BEND6: variants seen among roughly 807,000 people sequenced by gnomAD.
The protein encoded by BEND6 is BEN domain-containing protein 6.
A neutral mutation model predicts 31.8 loss-of-function variants in BEND6; 24 were observed. That is an observed-to-expected ratio of 0.75 (90% CI 0.55 to 1.06). The LOEUF is 1.06. BEND6 is among the 50% of genes least tolerant of loss of function. BEND6 has a pLI of 0.00. For synonymous variants in BEND6, 109 were observed against 114.6 expected (o/e 0.95, Z 0.31); for missense variants, 294 against 327.4 (o/e 0.90, Z 0.79).
intron 2 of BEND6, among the ~76,000 whole-genome samples, chr6:56,984,771 A>G (rs1826197329): frequency 6.6e-6 from 1 of 152,190 alleles, no homozygotes. Context: ...TCTAAACAAT[A>G]TACAAAACAA....
chr6:57,003,267 A>G (rs1041291450), intron 3 of BEND6, among the ~76,000 whole-genome samples: 2 of 152,186 alleles, frequency 1.3e-5, no homozygotes, highest in Admixed American at 6.5e-5. Flanking sequence ...TTGAAAGGCC[A>G]AGGCAGGAGG....
At chr6:56,984,519 C>T (rs527523444) in intron 2 of BEND6, among the ~76,000 whole-genome samples, 25 of 152,302 alleles carry the variant, frequency 1.6e-4, no homozygotes, top group African/African-American at 5.8e-4. Flanking sequence ...TCTGCTGATG[C>T]AGGTTTAGGG....
At position 56,983,238 on chromosome 6, in the gene BEND6, G is replaced by A. The variant is rs6933966; in HGVS notation, c.120+1308G>A. ...ATAGGAAACATATAGATAGTAAGAA[G>A]GTTACTATAGTGAAGCAAATTAACA... is the stretch of plus-strand genomic sequence containing the variant. On this transcript the variant is annotated intron_variant, in intron 2 of 6. Transcript: ENST00000370746. Among the ~76,000 whole-genome samples the A allele has an allele frequency of 8.6e-3, 1,302 of 152,144 alleles. 20 individuals carry two copies. The highest frequency in any genetic ancestry group is 0.03 in the African/African-American group (1,228 of 41,482).
intron 2 of BEND6, among the ~76,000 whole-genome samples, chr6:56,986,542 CA>C (rs1826281456): frequency 6.6e-6 from 1 of 152,142 alleles, no homozygotes; most frequent in Non-Finnish European, 1.5e-5. Context: ...TAACTGATCT[CA>C]TCTGGCTTTC....
At chr6:56,994,532 T>C (rs1389634390) in intron 3 of BEND6, among the ~76,000 whole-genome samples, 1 of 150,336 alleles carries the variant, frequency 6.7e-6, no homozygotes. Flanking sequence ...CCGACTTTGC[T>C]GTAAAACTTT....
Position 56,955,156 on chromosome 6 carries a change from C to A in BEND6, c.-405C>A, listed in dbSNP as rs1388018307. ...CGCGGGCGCGCGGACATGGCTGCGG[C>A]GGTTTCGGCGGCGTCCGCGGGCTGC... On this transcript the variant is annotated 5_prime_UTR_variant, in exon 1 of 7. Transcript: ENST00000370746. The A allele has an allele frequency of 1.3e-5, 2 of 150,564 alleles. No individual in the cohort carries two copies. Among genetic ancestry groups the A allele is most frequent in the Non-Finnish European group, 3.0e-5 (2 of 67,304 alleles). 9.3% of individuals were successfully genotyped at this position (150,564 alleles called of 1,614,324 possible).
At chr6:57,021,593 G>A (rs888760893) in intron 6 of BEND6, among the ~76,000 whole-genome samples, 2 of 152,166 alleles carry the variant, frequency 1.3e-5, no homozygotes, top group East Asian at 1.9e-4. Flanking sequence ...GCTCTCACAT[G>A]CAAGAGCTTG....
intron 3 of BEND6, among the ~76,000 whole-genome samples, chr6:57,000,038 G>A (rs1826869986): frequency 6.6e-6 from 1 of 151,950 alleles, no homozygotes; most frequent in South Asian, 2.1e-4. Flanking sequence ...TGGGAAGTGA[G>A]GAGTGCCTCT....
intron 3 of BEND6, among the ~76,000 whole-genome samples, chr6:57,001,414 T>C (rs1826941337): frequency 6.6e-6 from 1 of 152,070 alleles, no homozygotes; most frequent in African/African-American, 2.4e-5. Context: ...TCCACTACCT[T>C]GGGTTCTCAA....
intron 6 of BEND6, among the ~76,000 whole-genome samples, chr6:57,022,240 T>C (rs1259031281): frequency 6.7e-6 from 1 of 148,816 alleles, no homozygotes; most frequent in East Asian, 2.0e-4. Context: ...GATTCAGGGG[T>C]AAAGCCATCA....
rs574313275 is a variant in BEND6 at position 56,989,409 on chromosome 6, A to G, written c.121-2969A>G. 4.4e-4 allele frequency among the ~76,000 whole-genome samples: 67 copies of G among 152,332 alleles called. 1 individual carries two copies. The highest frequency in any genetic ancestry group is 6.3e-4 in the Non-Finnish European group (43 of 68,028). ...GGGCTGTTTTCAGGTTTTCACCATTATGAACAACAGTGTTATGGAAAGTCT... is the reference window on the plus strand; with the variant it reads ...GGGCTGTTTTCAGGTTTTCACCATTGTGAACAACAGTGTTATGGAAAGTCT... On this transcript the variant is annotated intron_variant, in intron 2 of 6. Transcript: ENST00000370746.
intron 1 of BEND6, among the ~76,000 whole-genome samples, chr6:56,957,839 T>C (rs1187537989): frequency 6.6e-6 from 1 of 152,216 alleles, no homozygotes; most frequent in East Asian, 1.9e-4. Context: ...AGATGGTCCA[T>C]TATATAGCCC....
intron 3 of BEND6, among the ~76,000 whole-genome samples, chr6:56,995,892 T>C (rs1826690449): frequency 1.3e-5 from 2 of 152,172 alleles, no homozygotes; most frequent in South Asian, 4.1e-4. Flanking sequence ...TTATCACTTG[T>C]CATCTTAAGT....
At chr6:57,019,311 C>G (rs1159363766) in intron 6 of BEND6, among the ~76,000 whole-genome samples, 1 of 152,174 alleles carries the variant, frequency 6.6e-6, no homozygotes, top group Non-Finnish European at 1.5e-5. Context: ...CCTCCTCTCT[C>G]TCAACTATTT....
At chr6:57,004,636 C>A in intron 3 of BEND6, 2 of 1,126,176 alleles carry the variant, frequency 1.8e-6, no homozygotes, top group Non-Finnish European at 2.7e-6. Flanking sequence ...CCTACGTGGG[C>A]TGAATGCAAT....
At position 56,975,745 on chromosome 6, in the gene BEND6, G is replaced by A. The variant is rs563656188; in HGVS notation, c.-100-5966G>A. On this transcript the variant is annotated intron_variant, in intron 1 of 6. Transcript: ENST00000370746. ...TATTTTGTGCATTCAATTGGTCCAG[G>A]ATTATGAAACGTAAACCTCCCATTT... The A allele has an allele frequency of 1.6e-5, 8 of 515,988 alleles. No homozygotes were observed. In the East Asian group the frequency reaches 2.5e-4, roughly 16 times the overall value. 32.0% of individuals were successfully genotyped at this position (515,988 alleles called of 1,614,324 possible).
At chr6:56,980,210 C>T (rs920250689) in intron 1 of BEND6, among the ~76,000 whole-genome samples, 6 of 152,128 alleles carry the variant, frequency 3.9e-5, no homozygotes, top group Non-Finnish European at 7.4e-5. Context: ...TTTTTGGAGA[C>T]AGAGGCTCCC....
chr6:57,021,201 CA>C (rs1827731549), intron 6 of BEND6, among the ~76,000 whole-genome samples: 1 of 151,948 alleles, frequency 6.6e-6, no homozygotes, highest in African/African-American at 2.4e-5. Context: ...CAAATTATTG[CA>C]AAAAGGACTG....
intron 1 of BEND6, among the ~76,000 whole-genome samples, chr6:56,974,197 G>A (rs1285663915): frequency 2.6e-5 from 4 of 152,096 alleles, no homozygotes; most frequent in African/African-American, 9.7e-5. Flanking sequence ...TAATATGTGC[G>A]GTAATGTAAG....
Sources: allele counts gnomAD v4.1 joint callset (sites outside exome capture counted in the v4.1 genomes callset), GRCh38; gene constraint gnomAD v4.1.1; transcripts MANE v1.5; gene names NCBI Gene and HGNC (gene_info 2026-07-23, HGNC 2026-07-21).